The following TBC1D5 variants were observed in gnomAD, a reference collection of about 807,000 sequenced individuals.
TBC1D5 encodes the protein TBC1 domain family member 5.
A neutral mutation model predicts 100.3 loss-of-function variants in TBC1D5; 75 were observed. The ratio of observed to expected loss-of-function variants is 0.75; its 90% CI spans 0.62 to 0.91. The LOEUF is 0.91. Ranked by LOEUF, TBC1D5 falls within the 40% of genes least tolerant of loss-of-function variation. TBC1D5 has a pLI of 0.00. For synonymous variants in TBC1D5, 323 were observed against 325.6 expected, an observed-to-expected ratio of 0.99 and a Z score of 0.09; for missense variants, 910 against 942.4, an observed-to-expected ratio of 0.97 and a Z score of 0.45.
At chr3:17,625,683 A>G (rs2062991227) in intron 1 of TBC1D5, among the ~76,000 whole-genome samples, 1 of 152,090 alleles carries the variant, frequency 6.6e-6, no homozygotes, top group African/African-American at 2.4e-5. Context: ...CCATTCTTTC[A>G]GCATTAACTT....
intron 2 of TBC1D5, among the ~76,000 whole-genome samples, chr3:17,588,675 T>C (rs1263219932): frequency 6.6e-6 from 1 of 152,140 alleles, no homozygotes; most frequent in East Asian, 1.9e-4. Context: ...TTAGGATAGA[T>C]GAAAACCAAA....
chr3:17,663,836 T>A (rs939125302), intron 1 of TBC1D5, among the ~76,000 whole-genome samples: 2 of 152,160 alleles, frequency 1.3e-5, no homozygotes. Context: ...TACATCTATA[T>A]AATAACAGAA....
intron 2 of TBC1D5, among the ~76,000 whole-genome samples, chr3:17,533,074 GAC>G (rs9310518): frequency 0.41 from 59,413 of 144,662 alleles, 12,149 homozygotes; most frequent in African/African-American, 0.48. Context: ...CACATACACA[GAC>G]ACACACACAC....
At chr3:17,682,156 TC>T (rs1329498709) in intron 1 of TBC1D5, among the ~76,000 whole-genome samples, 9 of 151,310 alleles carry the variant, frequency 5.9e-5, no homozygotes, top group Non-Finnish European at 4.4e-5. Flanking sequence ...CACAAAAATT[TC>T]TTTAACAGGG....
At chr3:17,508,198 T>C (rs915259501) in intron 3 of TBC1D5, among the ~76,000 whole-genome samples, 2 of 152,202 alleles carry the variant, frequency 1.3e-5, no homozygotes, top group African/African-American at 4.8e-5. Flanking sequence ...ATTTCAACAT[T>C]CTTATGCTGA....
chr3:17,674,420 A>C (rs1174876804), intron 1 of TBC1D5, among the ~76,000 whole-genome samples: 1 of 152,202 alleles, frequency 6.6e-6, no homozygotes, highest in African/African-American at 2.4e-5. Flanking sequence ...CAAAGTAGCA[A>C]CCATCTGATT....
chr3:17,285,500 T>C (rs9841955), intron 15 of TBC1D5, among the ~76,000 whole-genome samples: 1,758 of 151,988 alleles, frequency 0.012, 31 homozygotes, highest in African/African-American at 0.039. Context: ...GACCTCGTGA[T>C]CCGCCCGCCT....
intron 1 of TBC1D5, among the ~76,000 whole-genome samples, chr3:17,660,879 C>T (rs1373080731): frequency 6.6e-6 from 1 of 152,074 alleles, no homozygotes; most frequent in Non-Finnish European, 1.5e-5. Flanking sequence ...AAAATAAGTA[C>T]CTATATGAAA....
intron 2 of TBC1D5, among the ~76,000 whole-genome samples, chr3:17,554,099 T>C (rs769956678): frequency 2.6e-5 from 4 of 152,208 alleles, no homozygotes; most frequent in Non-Finnish European, 4.4e-5. Flanking sequence ...CAAGGACATA[T>C]AAGATAGAAT....
At chr3:17,383,811 C>T in intron 9 of TBC1D5, 102 bp downstream of exon 9, 1 of 857,762 alleles carries the variant, frequency 1.2e-6, no homozygotes, top group Non-Finnish European at 1.8e-6. Flanking sequence ...CATTATGATA[C>T]AACTTTGGAT....
intron 2 of TBC1D5, among the ~76,000 whole-genome samples, chr3:17,510,844 T>C (rs1043216722): frequency 6.6e-6 from 1 of 152,026 alleles, no homozygotes; most frequent in Non-Finnish European, 1.5e-5. Context: ...TTTATCTTTG[T>C]CAATTTTATT....
intron 1 of TBC1D5, among the ~76,000 whole-genome samples, chr3:17,649,532 A>G (rs2065334239): frequency 6.6e-6 from 1 of 152,224 alleles, no homozygotes; most frequent in Admixed American, 6.5e-5. Context: ...GCGAACAAAC[A>G]TATGAAAAAG....
chr3:17,281,898 TTC>T (rs1258908056), intron 15 of TBC1D5, among the ~76,000 whole-genome samples: 1 of 152,224 alleles, frequency 6.6e-6, no homozygotes, highest in Non-Finnish European at 1.5e-5. Flanking sequence ...GGTTTTTTTG[TTC>T]TGTCAGTTTT....
At chr3:17,567,706 T>C (rs1415459352) in intron 2 of TBC1D5, among the ~76,000 whole-genome samples, 1 of 151,680 alleles carries the variant, frequency 6.6e-6, no homozygotes, top group Non-Finnish European at 1.5e-5. Context: ...AAGGTGGTTC[T>C]AAAGCACCCC....
intron 2 of TBC1D5, among the ~76,000 whole-genome samples, chr3:17,546,604 A>T (rs993930781): frequency 6.6e-6 from 1 of 151,554 alleles, no homozygotes; most frequent in Non-Finnish European, 1.5e-5. Context: ...TCTCTACTAA[A>T]ATACAAAAAA....
chr3:17,274,122 T>C (rs1009218458), intron 15 of TBC1D5, among the ~76,000 whole-genome samples: 4 of 152,042 alleles, frequency 2.6e-5, no homozygotes, highest in Non-Finnish European at 4.4e-5. Flanking sequence ...AAAGGAATAG[T>C]TGGTAAAAAA....
intron 2 of TBC1D5, among the ~76,000 whole-genome samples, chr3:17,621,531 C>A (rs1434289536): frequency 6.6e-6 from 1 of 152,176 alleles, no homozygotes; most frequent in African/African-American, 2.4e-5. Context: ...CTAACCAAAC[C>A]TGGGCAATTT....
At chr3:17,202,248 G>A (rs1030953610) in intron 18 of TBC1D5, among the ~76,000 whole-genome samples, 2 of 152,216 alleles carry the variant, frequency 1.3e-5, no homozygotes, top group Non-Finnish European at 2.9e-5. Context: ...CTTTGAAATT[G>A]AGAATGACAA....
At chr3:17,218,342 C>T (rs554593640) in intron 17 of TBC1D5, among the ~76,000 whole-genome samples, 3 of 152,050 alleles carry the variant, frequency 2.0e-5, no homozygotes, top group South Asian at 2.1e-4. Flanking sequence ...TTTAGGATCA[C>T]TTTGCCATTT....
Sources: gnomAD v4.1 joint callset for allele counts (sites outside exome capture counted in the v4.1 genomes callset) on GRCh38, gnomAD v4.1.1 for gene constraint, MANE v1.5 for transcripts, NCBI Gene and HGNC (gene_info 2026-07-23, HGNC 2026-07-21) for gene names.